LRRC8C: variants seen among roughly 807,000 people sequenced by gnomAD.
LRRC8C encodes volume-regulated anion channel subunit LRRC8C.
Under a neutral mutation model 55.3 loss-of-function variants are expected in LRRC8C, and 20 were observed. That is an observed-to-expected ratio of 0.36 (90% CI 0.25 to 0.53). LRRC8C has a LOEUF of 0.53. LRRC8C is among the 20% of genes least tolerant of loss of function. The probability of loss-of-function intolerance (pLI) is 0.92; values close to 1 mark genes in which losing one functional copy is unlikely to be tolerated. For synonymous variants in LRRC8C, 376 were observed against 360.7 expected, an observed-to-expected ratio of 1.04 and a Z score of -0.48; for missense variants, 659 against 951.4, an observed-to-expected ratio of 0.69 and a Z score of 4.04.
At chr1:89,686,083 C>G (rs1657874714) in intron 1 of LRRC8C, among the ~76,000 whole-genome samples, 2 of 151,374 alleles carry the variant, frequency 1.3e-5, no homozygotes, top group Admixed American at 1.3e-4. Context: ...AAGCAATAAC[C>G]CAAGATGGTA....
At chr1:89,652,419 G>A (rs935724059) in intron 1 of LRRC8C, among the ~76,000 whole-genome samples, 1 of 152,178 alleles carries the variant, frequency 6.6e-6, no homozygotes, top group Non-Finnish European at 1.5e-5. Flanking sequence ...GATTTTGGTG[G>A]TTAAGAATAA....
intron 1 of LRRC8C, among the ~76,000 whole-genome samples, chr1:89,682,599 C>T (rs555861334): frequency 6.6e-6 from 1 of 152,200 alleles, no homozygotes; most frequent in East Asian, 1.9e-4. Flanking sequence ...GTGCAAAAAC[C>T]ATGGTTAGTA....
At position 89,686,480 on chromosome 1, in the gene LRRC8C, C is replaced by A; in HGVS notation, c.7C>A (p.Pro3Thr). 6.2e-7 allele frequency: 1 copy of A among 1,614,070 alleles called. No individual in the cohort carries two copies. The highest frequency in any genetic ancestry group is 8.5e-7 in the Non-Finnish European group (1 of 1,179,982). MI[P>T]VTEFRQFSEQ... ...TCTCTCCTTTCTCAGAAACATGATTCCCGTGACAGAATTCCGGCAGTTCTC... is the reference window on the plus strand; with the variant it reads ...TCTCTCCTTTCTCAGAAACATGATTACCGTGACAGAATTCCGGCAGTTCTC... The change falls in exon 2 of 3, where the codon CCC (proline) becomes ACC (threonine). Residue 3 changes from proline to threonine, a missense_variant. Coordinates refer to ENST00000370454, the MANE Select transcript of LRRC8C (RefSeq NM_032270.5).
the LRRC8C span, among the ~76,000 whole-genome samples, chr1:89,620,948 T>C: frequency 6.6e-6 from 1 of 152,220 alleles, no homozygotes; most frequent in African/African-American, 2.4e-5. Flanking sequence ...ATGCTAGAAG[T>C]GAAACTTGCT....
intron 1 of LRRC8C, among the ~76,000 whole-genome samples, chr1:89,647,431 C>T (rs1160597040): frequency 6.6e-6 from 1 of 152,118 alleles, no homozygotes; most frequent in Non-Finnish European, 1.5e-5. Flanking sequence ...TCAGAAAGTA[C>T]ATAAGAAATG....
chr1:89,656,664 A>G (rs1000975874), intron 1 of LRRC8C, among the ~76,000 whole-genome samples: 4 of 152,176 alleles, frequency 2.6e-5, no homozygotes, highest in African/African-American at 9.7e-5. Flanking sequence ...GCCTTGAGGC[A>G]ATTCTTGAGG....
chr1:89,671,190 A>G (rs952632224), intron 1 of LRRC8C, among the ~76,000 whole-genome samples: 3 of 152,176 alleles, frequency 2.0e-5, no homozygotes, highest in African/African-American at 4.8e-5. Context: ...CAGCCACCCC[A>G]GTAGTCACAT....
In LRRC8C at chr1:89,714,463, T is replaced by C; in HGVS notation, c.1893T>C (p.Val631=). The C allele has an allele frequency of 6.2e-7, 1 of 1,614,170 alleles. No homozygotes were observed. Among genetic ancestry groups the C allele is most frequent in the Non-Finnish European group, 8.5e-7 (1 of 1,180,030 alleles). Residue 631 remains valine, a synonymous_variant, in exon 3 of 3, where the codon GTT becomes GTC. Coordinates refer to ENST00000370454, the MANE Select transcript of LRRC8C (RefSeq NM_032270.5). The surrounding 1 kb of genome is among the most constrained non-coding windows in gnomAD (Gnocchi z 4.6). ...ATCTGAAATCTATAGAAGAAATCGT[T>C]AGCTTTCAGCACTTAAGAAAGTTGA... ...ENNLKSIEEI[V]SFQHLRKLTV...
intron 2 of LRRC8C, among the ~76,000 whole-genome samples, chr1:89,696,493 G>A (rs897779173): frequency 3.3e-5 from 5 of 152,142 alleles, no homozygotes; most frequent in African/African-American, 1.2e-4. Context: ...AAGGGGAAGA[G>A]AGAAGAGGGA....
intron 1 of LRRC8C, among the ~76,000 whole-genome samples, chr1:89,673,692 A>G (rs1411285185): frequency 2.0e-5 from 3 of 152,208 alleles, no homozygotes; most frequent in Non-Finnish European, 2.9e-5. Context: ...AGCACCTACT[A>G]TATGCCAAAT....
chr1:89,707,154 C>T lies in LRRC8C; in HGVS notation c.139-5555C>T, dbSNP rs1021055256. 8.0e-5 allele frequency among the ~76,000 whole-genome samples: 11 copies of T among 137,398 alleles called. No homozygotes were observed. In the Admixed American group the frequency reaches 8.3e-4, roughly 10 times the overall value. The allele number at this position is 137,398 out of a possible 152,430, so 90.1% of individuals were successfully genotyped here. Reference sequence around the variant, plus strand: ...AGGCGCTGTGGCTCATGCCTGTAATCCCAGCACTTTGGGAGGCCGAGGCGG... The same window carrying T: ...AGGCGCTGTGGCTCATGCCTGTAATTCCAGCACTTTGGGAGGCCGAGGCGG... On this transcript the variant is annotated intron_variant, in intron 2 of 2. Coordinates refer to ENST00000370454, the MANE Select transcript of LRRC8C (RefSeq NM_032270.5).
intron 2 of LRRC8C, among the ~76,000 whole-genome samples, chr1:89,707,133 G>A (rs986747159): frequency 2.0e-5 from 3 of 152,058 alleles, no homozygotes; most frequent in Admixed American, 6.5e-5. Context: ...TAGGCCAGGC[G>A]CTGTGGCTCA....
chr1:89,646,659 T>G (rs1220102041), intron 1 of LRRC8C, among the ~76,000 whole-genome samples: 1 of 152,164 alleles, frequency 6.6e-6, no homozygotes, highest in Non-Finnish European at 1.5e-5. Flanking sequence ...TCATACTTAA[T>G]GGTGAAGTTT....
chr1:89,634,019 C>A (rs1006699529), intron 1 of LRRC8C, among the ~76,000 whole-genome samples: 1 of 152,160 alleles, frequency 6.6e-6, no homozygotes, highest in Non-Finnish European at 1.5e-5. Context: ...ACTCAGGAGC[C>A]TTAGATGTGT....
chr1:89,631,486 CT>C (rs1437396482), upstream of LRRC8C: 6 of 152,106 alleles, frequency 3.9e-5, no homozygotes, highest in Admixed American at 3.9e-4. Flanking sequence ...GGGTTGTGAC[CT>C]TGGTACTTGC....
chr1:89,658,047 T>C (rs1019088016), intron 1 of LRRC8C, among the ~76,000 whole-genome samples: 4 of 152,160 alleles, frequency 2.6e-5, no homozygotes, highest in African/African-American at 9.7e-5. Flanking sequence ...AAAAGCCCCC[T>C]TGTGCCACAT....
chr1:89,660,983 C>CT (rs555942183), intron 1 of LRRC8C, among the ~76,000 whole-genome samples: 23 of 152,328 alleles, frequency 1.5e-4, no homozygotes, highest in Middle Eastern at 3.4e-3. Flanking sequence ...CTGGACTCCT[C>CT]TGGTAGCCTT....
chr1:89,680,752 G>T (rs1290021104), intron 1 of LRRC8C, among the ~76,000 whole-genome samples: 1 of 151,636 alleles, frequency 6.6e-6, no homozygotes, highest in African/African-American at 2.4e-5. Flanking sequence ...GTAGAGATGG[G>T]ATTTTACCAT....
chr1:89,686,790 C>T (rs570065418), intron 2 of LRRC8C, among the ~76,000 whole-genome samples, 179 bp downstream of exon 2: 7 of 152,246 alleles, frequency 4.6e-5, no homozygotes, highest in South Asian at 4.1e-4. Context: ...TTTCCTAATA[C>T]GGTAAATATG....
Sources: allele counts gnomAD v4.1 joint callset (sites outside exome capture counted in the v4.1 genomes callset), GRCh38; gene constraint gnomAD v4.1.1; non-coding constraint Gnocchi (gnomAD v3.1); transcripts MANE v1.5; gene names NCBI Gene and HGNC (gene_info 2026-07-23, HGNC 2026-07-21).